DHDDS: variants seen among roughly 807,000 people sequenced by gnomAD.
DHDDS encodes dehydrodolichyl diphosphate synthase subunit, also known as dehydrodolichyl diphosphate synthase complex subunit DHDDS.
Under a neutral mutation model 46.2 loss-of-function variants are expected in DHDDS, and 16 were observed. The observed-to-expected ratio is 0.35, with a 90% CI of 0.23 to 0.53. The LOEUF is 0.53. DHDDS is among the 20% of genes least tolerant of loss of function. DHDDS has a pLI of 0.94. For synonymous variants in DHDDS, 151 were observed against 163.1 expected (o/e 0.93, Z 0.56); for missense variants, 340 against 423.7 (o/e 0.80, Z 1.73).
At chr1:26,440,987 C>T (rs150717432) in intron 3 of DHDDS, among the ~76,000 whole-genome samples, 208 of 151,190 alleles carry the variant, frequency 1.4e-3, no homozygotes, top group African/African-American at 4.6e-3. Context: ...TGCAGTGGCG[C>T]GATCTCAGTT....
intron 4 of DHDDS, among the ~76,000 whole-genome samples, chr1:26,445,489 G>C (rs1570341765): frequency 6.6e-6 from 1 of 152,308 alleles, no homozygotes; most frequent in South Asian, 2.1e-4. Context: ...CAGGCAGGAG[G>C]ATCACTTGAG....
chr1:26,468,133 CAG>C (rs1180488670), intron 8 of DHDDS, among the ~76,000 whole-genome samples: 3 of 152,224 alleles, frequency 2.0e-5, no homozygotes, highest in Admixed American at 6.5e-5. Context: ...TATTTTCTAA[CAG>C]AAAGAGTGGA....
intron 6 of DHDDS, chr1:26,448,022 G>A: frequency 3.9e-6 from 2 of 507,660 alleles, no homozygotes; most frequent in East Asian, 3.2e-5. Flanking sequence ...CCCAGAGAAA[G>A]AGCAAAGCAG....
chr1:26,468,058 A>C (rs2075510207), intron 8 of DHDDS, among the ~76,000 whole-genome samples: 1 of 152,366 alleles, frequency 6.6e-6, no homozygotes, highest in Non-Finnish European at 1.5e-5. Context: ...GCCAGGGAGT[A>C]TGATCACCAC....
At chr1:26,455,003 C>A in intron 6 of DHDDS, 1 of 1,455,052 alleles carries the variant, frequency 6.9e-7, no homozygotes, top group Non-Finnish European at 9.6e-7. Flanking sequence ...ACCATTGTAA[C>A]GTCGGAATGG....
intron 6 of DHDDS, chr1:26,455,053 C>T: frequency 9.4e-7 from 1 of 1,069,162 alleles, no homozygotes; most frequent in South Asian, 1.2e-5. Context: ...TCAGGTACTT[C>T]ATGGCTTTTC....
chr1:26,432,351 G>T lies in DHDDS; in HGVS notation c.-81G>T, dbSNP rs750183841. On this transcript the variant is annotated 5_prime_UTR_variant, in exon 1 of 9. Coordinates refer to ENST00000236342, the MANE Select transcript of DHDDS (RefSeq NM_205861.3). ...GAAGTGCCGGCCCACTGAAGCCGTG[G>T]GGACGCGCCCAGCGGAGCTAATCAG... 6.5e-6 allele frequency: 1 copy of T among 153,188 alleles called. No homozygotes were observed. Among genetic ancestry groups the T allele is most frequent in the South Asian group, 2.0e-4 (1 of 5,056 alleles). The allele number at this position is 153,188 out of a possible 1,614,324, so 9.5% of individuals were successfully genotyped here.
At chr1:26,452,002 C>T (rs1194744372) in intron 6 of DHDDS, among the ~76,000 whole-genome samples, 1 of 152,082 alleles carries the variant, frequency 6.6e-6, no homozygotes, top group South Asian at 2.1e-4. Context: ...CCACCTTGGC[C>T]TCCCAAAGTC....
At chr1:26,452,051 T>A (rs1371567994) in intron 6 of DHDDS, among the ~76,000 whole-genome samples, 1 of 151,836 alleles carries the variant, frequency 6.6e-6, no homozygotes, top group Admixed American at 6.6e-5. Context: ...CTGGCCTGTT[T>A]CGTTTTGTTT....
chr1:26,437,214 G>A (rs2075168585), intron 2 of DHDDS, among the ~76,000 whole-genome samples: 1 of 151,854 alleles, frequency 6.6e-6, no homozygotes, highest in Admixed American at 6.6e-5. Context: ...CAAGTCACTA[G>A]AACTCTCTGA....
intron 6 of DHDDS, chr1:26,447,945 A>T: frequency 1.7e-6 from 1 of 589,558 alleles, no homozygotes; most frequent in Non-Finnish European, 3.0e-6. Flanking sequence ...GATCTCCCAA[A>T]TTTAGAGATT....
intron 4 of DHDDS, 152 bp downstream of exon 4, chr1:26,443,025 A>G (rs1054685079): frequency 3.0e-6 from 4 of 1,346,330 alleles, no homozygotes; most frequent in Admixed American, 2.7e-5. Context: ...CAGAAATACA[A>G]GATAGTCTTT....
Position 26,469,223 on chromosome 1 carries a change from A to G in DHDDS, c.*92A>G. The G allele has an allele frequency of 2.5e-6, 4 of 1,599,830 alleles. No individual in the cohort carries two copies. The highest frequency in any genetic ancestry group is 3.4e-6 in the Non-Finnish European group (4 of 1,178,768). On this transcript the variant is annotated 3_prime_UTR_variant, in exon 9 of 9. Transcript: ENST00000236342. ...TTGGTGAAAGGCACCTCCTTTCCTG[A>G]TAATGAATGGTGTTCCCTTTGCTTG... is the stretch of plus-strand genomic sequence containing the variant.
At chr1:26,445,407 TGTATA>T (rs1285687622) in intron 4 of DHDDS, among the ~76,000 whole-genome samples, 5 of 152,290 alleles carry the variant, frequency 3.3e-5, no homozygotes, top group African/African-American at 9.6e-5. Context: ...GGTCGTGTAA[TGTATA>T]GTAAAGAGTT....
At chr1:26,457,515 CAAAA>C (rs1293081195) in intron 6 of DHDDS, among the ~76,000 whole-genome samples, 2 of 125,930 alleles carry the variant, frequency 1.6e-5, no homozygotes, top group African/African-American at 6.0e-5. Flanking sequence ...CAGAACATGT[CAAAA>C]AAGGCAAAAA....
chr1:26,463,586 A>T (rs1031186493), intron 8 of DHDDS, among the ~76,000 whole-genome samples: 2 of 152,048 alleles, frequency 1.3e-5, no homozygotes, highest in African/African-American at 4.8e-5. Context: ...GGCTCACTGC[A>T]ACCTCCGCCT....
intron 2 of DHDDS, among the ~76,000 whole-genome samples, chr1:26,436,401 T>TTTTGTTTG (rs57226446): frequency 0.016 from 2,403 of 147,972 alleles, 37 homozygotes; most frequent in African/African-American, 0.033. Flanking sequence ...TAAGACTCTG[T>TTTTGTTTG]TTTGTTTGTT....
In DHDDS at chr1:26,471,151, A is replaced by G. The variant is rs960808091; in HGVS notation, c.*2020A>G. 1.3e-5 allele frequency: 2 copies of G among 152,202 alleles called. No homozygotes were observed. The highest frequency in any genetic ancestry group is 2.9e-5 in the Non-Finnish European group (2 of 68,054). 9.4% of individuals were successfully genotyped at this position (152,202 alleles called of 1,614,324 possible). ...CTCGTGGTTGCTTTGGACAGGTGTGATTTGTGCAAGCCAGGTTCAACCCTT... is the reference window on the plus strand; with the variant it reads ...CTCGTGGTTGCTTTGGACAGGTGTGGTTTGTGCAAGCCAGGTTCAACCCTT... On this transcript the variant is annotated 3_prime_UTR_variant, in exon 9 of 9. Coordinates refer to ENST00000236342, the MANE Select transcript of DHDDS (RefSeq NM_205861.3).
intron 6 of DHDDS, among the ~76,000 whole-genome samples, chr1:26,457,050 A>G (rs112946616): frequency 3.8e-3 from 583 of 152,344 alleles, no homozygotes; most frequent in Middle Eastern, 0.014. Context: ...TTTTAGCAAA[A>G]GACAACAGAT....
Sources: gnomAD v4.1 joint callset for allele counts (sites outside exome capture counted in the v4.1 genomes callset) on GRCh38, gnomAD v4.1.1 for gene constraint, MANE v1.5 for transcripts, NCBI Gene and HGNC (gene_info 2026-07-23, HGNC 2026-07-21) for gene names.